PKIA: variants seen among roughly 807,000 people sequenced by gnomAD.
The protein encoded by PKIA is PKI-alpha.
A neutral mutation model predicts 7.6 loss-of-function variants in PKIA; 4 were observed. That is an observed-to-expected ratio of 0.52 (90% CI 0.26 to 1.20). The LOEUF (loss-of-function observed/expected upper bound fraction) is 1.20, where lower values mean the gene tolerates loss of function less well. Among genes scored for constraint, PKIA ranks in the 50% most tolerant of loss-of-function variants. The pLI is 0.13. For synonymous variants in PKIA, 21 were observed against 30.7 expected, an observed-to-expected ratio of 0.68 and a Z score of 1.04; for missense variants, 73 against 86.2, an observed-to-expected ratio of 0.85 and a Z score of 0.61.
chr8:78,554,923 G>A (rs1434230972), intron 1 of PKIA, among the ~76,000 whole-genome samples: 1 of 152,000 alleles, frequency 6.6e-6, no homozygotes, highest in Non-Finnish European at 1.5e-5. Flanking sequence ...TTTGAGAAAT[G>A]AGCAAGTTAA....
At chr8:78,565,144 T>C (rs1358709997) in intron 1 of PKIA, among the ~76,000 whole-genome samples, 1 of 151,970 alleles carries the variant, frequency 6.6e-6, no homozygotes, top group African/African-American at 2.4e-5. Context: ...TTCCACATTA[T>C]TTGGCAGAAA....
chr8:78,568,411 C>G (rs1585906657), intron 1 of PKIA, among the ~76,000 whole-genome samples: 1 of 152,170 alleles, frequency 6.6e-6, no homozygotes, highest in South Asian at 2.1e-4. Flanking sequence ...TATAGTCAAA[C>G]TTCAATTTAT....
At chr8:78,584,462 T>C (rs899966429) in intron 2 of PKIA, among the ~76,000 whole-genome samples, 6 of 152,100 alleles carry the variant, frequency 3.9e-5, no homozygotes, top group African/African-American at 1.4e-4. Flanking sequence ...TTATAGAGTC[T>C]TTGGTTGTGT....
intron 2 of PKIA, among the ~76,000 whole-genome samples, chr8:78,578,845 G>A (rs1339130238): frequency 6.6e-6 from 1 of 151,934 alleles, no homozygotes; most frequent in Non-Finnish European, 1.5e-5. Flanking sequence ...ATAGGCAGAT[G>A]ACTATGACTC....
chr8:78,562,920 G>GA lies in PKIA; in HGVS notation c.-156-9882dup, dbSNP rs529617661. 2.0e-5 allele frequency among the ~76,000 whole-genome samples: 3 copies of GA among 147,720 alleles called. 1 individual carries two copies. Among genetic ancestry groups the GA allele is most frequent in the Non-Finnish European group, 3.0e-5 (2 of 66,666 alleles). On this transcript the variant is annotated intron_variant, in intron 1 of 3. Transcript: ENST00000396418. ...TTAATGAATGAATATGTGAAGGAATGAAAAAAAAATGAGAGACACTATGAA... is the reference window on the plus strand; with the variant it reads ...TTAATGAATGAATATGTGAAGGAATGAAAAAAAAAATGAGAGACACTATGAA...
chr8:78,604,453 C>A lies in PKIA; in HGVS notation c.*2632C>A, dbSNP rs968155469. 1.3e-5 allele frequency: 2 copies of A among 151,952 alleles called. No individual in the cohort carries two copies. Among genetic ancestry groups the A allele is most frequent in the Non-Finnish European group, 2.9e-5 (2 of 67,934 alleles). The allele number at this position is 151,952 out of a possible 1,614,324, so 9.4% of individuals were successfully genotyped here. A position where few individuals can be genotyped will look rare whatever the true frequency, so the allele number is the denominator to read the frequency against. Reference sequence around the variant, plus strand: ...AGCCAACTGCAGAGCTGTAAGGGAACTTTTAGAGATGAACTTCTTCAGCCT... The same window carrying A: ...AGCCAACTGCAGAGCTGTAAGGGAAATTTTAGAGATGAACTTCTTCAGCCT... On this transcript the variant is annotated 3_prime_UTR_variant, in exon 4 of 4. Transcript: ENST00000396418.
At chr8:78,526,331 T>C (rs1049729818) in intron 1 of PKIA, among the ~76,000 whole-genome samples, 2 of 152,072 alleles carry the variant, frequency 1.3e-5, no homozygotes, top group Non-Finnish European at 2.9e-5. Flanking sequence ...AAGTAGTTGA[T>C]TGGATCACCT....
At chr8:78,589,755 A>C (rs1233097621) in intron 2 of PKIA, among the ~76,000 whole-genome samples, 1 of 152,176 alleles carries the variant, frequency 6.6e-6, no homozygotes, top group African/African-American at 2.4e-5. Flanking sequence ...CAGTAAAAAA[A>C]AAAATTCATT....
At chr8:78,555,114 A>G (rs961286826) in intron 1 of PKIA, among the ~76,000 whole-genome samples, 2 of 152,038 alleles carry the variant, frequency 1.3e-5, no homozygotes, top group African/African-American at 4.8e-5. Flanking sequence ...AACTTTTACA[A>G]AGGAATAGTA....
At chr8:78,564,603 TA>T (rs1473479551) in intron 1 of PKIA, among the ~76,000 whole-genome samples, 2 of 151,966 alleles carry the variant, frequency 1.3e-5, no homozygotes, top group African/African-American at 4.8e-5. Flanking sequence ...AAAGTGGTCA[TA>T]GCTTTTTACT....
intron 1 of PKIA, among the ~76,000 whole-genome samples, chr8:78,557,338 C>T (rs1220860132): frequency 1.3e-5 from 2 of 152,026 alleles, no homozygotes; most frequent in Non-Finnish European, 2.9e-5. Flanking sequence ...TCAATTTGTG[C>T]CCATGGATAA....
intron 2 of PKIA, among the ~76,000 whole-genome samples, chr8:78,584,167 G>C (rs1221344804): frequency 6.6e-6 from 1 of 151,988 alleles, no homozygotes; most frequent in Non-Finnish European, 1.5e-5. Flanking sequence ...TGGGAAGTGT[G>C]TGTGTGTGTG....
intron 1 of PKIA, among the ~76,000 whole-genome samples, chr8:78,548,221 A>C (rs111947207): frequency 9.9e-5 from 15 of 152,230 alleles, no homozygotes; most frequent in African/African-American, 3.4e-4. Flanking sequence ...TGGAGGTGAG[A>C]TTCTCTCTTT....
intron 2 of PKIA, among the ~76,000 whole-genome samples, chr8:78,585,917 C>T (rs1440411649): frequency 1.3e-5 from 2 of 152,164 alleles, no homozygotes; most frequent in Non-Finnish European, 2.9e-5. Flanking sequence ...TTCCACGTTG[C>T]TGTTCCTTTT....
chr8:78,566,717 A>C (rs1181455643), intron 1 of PKIA, among the ~76,000 whole-genome samples: 1 of 152,162 alleles, frequency 6.6e-6, no homozygotes, highest in Non-Finnish European at 1.5e-5. Flanking sequence ...ACTTTAGCTA[A>C]AGTTATTACA....
At chr8:78,591,920 G>A (rs16905837) in intron 2 of PKIA, among the ~76,000 whole-genome samples, 13,625 of 152,044 alleles carry the variant, frequency 0.09, 666 homozygotes, top group African/African-American at 0.12. Flanking sequence ...CTAAACTTCC[G>A]TCTGCTGCTG....
chr8:78,559,047 G>A (rs1406984244), intron 1 of PKIA, among the ~76,000 whole-genome samples: 3 of 152,132 alleles, frequency 2.0e-5, no homozygotes, highest in Admixed American at 6.5e-5. Context: ...TCAGCCTCCC[G>A]AGTAGCTGGA....
chr8:78,556,254 C>G (rs1807131914), intron 1 of PKIA, among the ~76,000 whole-genome samples: 1 of 152,004 alleles, frequency 6.6e-6, no homozygotes, highest in Non-Finnish European at 1.5e-5. Context: ...TCTTGTTTCA[C>G]TAACTTTACA....
intron 2 of PKIA, among the ~76,000 whole-genome samples, 176 bp downstream of exon 2, chr8:78,573,115 A>G (rs1415584179): frequency 6.6e-6 from 1 of 152,100 alleles, no homozygotes; most frequent in African/African-American, 2.4e-5. Context: ...AACTCATACA[A>G]TAACAGCATG....
Sources: allele counts gnomAD v4.1 joint callset (sites outside exome capture counted in the v4.1 genomes callset), GRCh38; gene constraint gnomAD v4.1.1; transcripts MANE v1.5; gene names NCBI Gene and HGNC (gene_info 2026-07-23, HGNC 2026-07-21).